Variants in PRMT8 observed in about 807,000 individuals in gnomAD.
PRMT8 encodes the protein protein arginine N-methyltransferase 8.
In PRMT8, 7 loss-of-function variants were observed where a neutral mutation model predicts 47.1. That is an observed-to-expected ratio of 0.15 (90% CI 0.08 to 0.28). The LOEUF (loss-of-function observed/expected upper bound fraction) is 0.28, where lower values mean the gene tolerates loss of function less well. PRMT8 is among the 10% of genes least tolerant of loss of function. The pLI is 1.00. For synonymous variants in PRMT8, 188 were observed against 186.5 expected (o/e 1.01, Z -0.07); for missense variants, 237 against 505.4 (o/e 0.47, Z 5.09).
rs1250058508 is a variant in PRMT8 at position 3,456,675 on chromosome 12, C to A, written c.48+75233C>A. ...GAAGCTGACCTTAAGCGGGAGGGTG[C>A]AGGGGTGAGCTAGTTTGGCCTGGAG... On this transcript the variant is annotated intron_variant, in intron 1 of 9. Transcript: ENST00000452611. The surrounding 1 kb of genome is among the most constrained non-coding windows in gnomAD (Gnocchi z 4.2). Among the ~76,000 whole-genome samples the A allele has an allele frequency of 6.6e-6, 1 of 152,084 alleles. No individual in the cohort carries two copies. The highest frequency in any genetic ancestry group is 6.5e-5 in the Admixed American group (1 of 15,268).
intron 1 of PRMT8, among the ~76,000 whole-genome samples, chr12:3,459,937 G>A (rs779003238): frequency 7.2e-5 from 11 of 152,110 alleles, no homozygotes; most frequent in Non-Finnish European, 1.5e-4. Flanking sequence ...CGTGCCCTCC[G>A]ACCCTCCTAT....
At chr12:3,547,358 T>TAAAA (rs34749795) in intron 2 of PRMT8, among the ~76,000 whole-genome samples, 1 of 145,992 alleles carries the variant, frequency 6.8e-6, no homozygotes. Context: ...TAAAGAAATC[T>TAAAA]AAAAAAAAAA....
At chr12:3,523,949 G>T (rs527628654) in intron 1 of PRMT8, among the ~76,000 whole-genome samples, 1 of 152,338 alleles carries the variant, frequency 6.6e-6, no homozygotes, top group Non-Finnish European at 1.5e-5. Flanking sequence ...CGTTACTGAT[G>T]AGTCAAACAA....
At chr12:3,533,294 C>A (rs1019147941) in intron 1 of PRMT8, among the ~76,000 whole-genome samples, 3 of 152,110 alleles carry the variant, frequency 2.0e-5, no homozygotes, top group East Asian at 3.9e-4. Flanking sequence ...CTGGGGAGCC[C>A]GGGAGGCCAC....
intron 1 of PRMT8, among the ~76,000 whole-genome samples, chr12:3,415,444 G>A (rs546504382): frequency 5.9e-5 from 9 of 152,222 alleles, no homozygotes; most frequent in Admixed American, 3.9e-4. Flanking sequence ...CTGAAAGTCC[G>A]AACCCTCTAA....
rs541726273 is a variant in PRMT8, at chr12:3,508,744, C to CT, written c.75+17045dup. Among the ~76,000 whole-genome samples the CT allele has an allele frequency of 7.2e-5, 11 of 152,300 alleles. No homozygotes were observed. In the South Asian group the frequency reaches 2.3e-3, roughly 32 times the overall value. On this transcript the variant is annotated intron_variant, in intron 1 of 9. Transcript: ENST00000382622. This position sits in a 1 kb window ranked among gnomAD's most constrained non-coding sequence, Gnocchi z 4.9. ...TCAGACTGCAGCCCACATCTCTCCT[C>CT]TGAGATACGCGAGGCATAGCTGCCT... is the stretch of plus-strand genomic sequence containing the variant.
chr12:3,387,680 A>G (rs1403196982), intron 1 of PRMT8, among the ~76,000 whole-genome samples: 2 of 152,230 alleles, frequency 1.3e-5, no homozygotes, highest in Non-Finnish European at 2.9e-5. Context: ...CTTTCTCCCC[A>G]ATCTTTATTT....
At chr12:3,539,481 G>A (rs1866180906) in intron 1 of PRMT8, among the ~76,000 whole-genome samples, 1 of 152,088 alleles carries the variant, frequency 6.6e-6, no homozygotes, top group Non-Finnish European at 1.5e-5. Context: ...CAGCCCTAGA[G>A]GACTGACTAC....
intron 1 of PRMT8, among the ~76,000 whole-genome samples, chr12:3,516,969 A>G (rs1193412354): frequency 6.6e-6 from 1 of 152,186 alleles, no homozygotes; most frequent in African/African-American, 2.4e-5. Flanking sequence ...TAGGATTGCA[A>G]TGCATTGTGG....
At chr12:3,447,962 C>T (rs561472528) in intron 1 of PRMT8, among the ~76,000 whole-genome samples, 14 of 152,312 alleles carry the variant, frequency 9.2e-5, no homozygotes, top group African/African-American at 3.4e-4. Flanking sequence ...CGATTGTCTA[C>T]ATCTAGAGTT....
intron 1 of PRMT8, among the ~76,000 whole-genome samples, chr12:3,533,493 A>G (rs1476283973): frequency 1.3e-5 from 2 of 152,230 alleles, no homozygotes; most frequent in Non-Finnish European, 2.9e-5. Context: ...AGTGTATTTT[A>G]TGGGTGGCCC....
chr12:3,416,041 T>C (rs1219821808), intron 1 of PRMT8, among the ~76,000 whole-genome samples: 1 of 152,142 alleles, frequency 6.6e-6, no homozygotes, highest in African/African-American at 2.4e-5. Flanking sequence ...GGTCCTCCAT[T>C]TGGCTGGTGA....
chr12:3,435,526 C>CTT (rs1260938565), intron 1 of PRMT8, among the ~76,000 whole-genome samples: 7 of 131,616 alleles, frequency 5.3e-5, no homozygotes, highest in African/African-American at 5.6e-5. Context: ...CTTTTTTTTT[C>CTT]TTTTTTTTTT....
In PRMT8 at chr12:3,480,652, C is replaced by G. The variant is rs1285908902; in HGVS notation, c.49-59954C>G. Among the ~76,000 whole-genome samples, 3 of 7,536 alleles carry G rather than the reference C, an allele frequency of 4.0e-4. No individual in the cohort carries two copies. The East Asian group carries it at 9.6e-3, about 24-fold the overall frequency. 4.9% of individuals were successfully genotyped at this position (7,536 alleles called of 152,430 possible). A position where few individuals can be genotyped will look rare whatever the true frequency, so the allele number is the denominator to read the frequency against. On this transcript the variant is annotated intron_variant, in intron 1 of 9. Coordinates refer to the PRMT8 transcript ENST00000452611. ...TCCTGACTTTAGTTCAGTGCTTCCT[C>G]CCCCCACCGCTTTCTTATAGCTTCA...
chr12:3,545,971 A>G (rs1410866975), intron 2 of PRMT8, among the ~76,000 whole-genome samples: 3 of 152,250 alleles, frequency 2.0e-5, no homozygotes, highest in Admixed American at 2.0e-4. Flanking sequence ...GGGTCACAAA[A>G]CAAAGATTAA....
intron 1 of PRMT8, among the ~76,000 whole-genome samples, chr12:3,473,045 C>A (rs943377107): frequency 6.6e-6 from 1 of 152,274 alleles, no homozygotes; most frequent in East Asian, 1.9e-4. Context: ...ATGCCCCAGG[C>A]GCTTTCAATG....
At chr12:3,521,262 G>A (rs1865875826) in intron 1 of PRMT8, among the ~76,000 whole-genome samples, 1 of 152,176 alleles carries the variant, frequency 6.6e-6, no homozygotes, top group Admixed American at 6.5e-5. Context: ...CCCAGGCCAT[G>A]TGTGATCCAA....
intron 4 of PRMT8, among the ~76,000 whole-genome samples, chr12:3,561,007 GCCA>G (rs1467847035): frequency 6.6e-6 from 1 of 152,098 alleles, no homozygotes; most frequent in Non-Finnish European, 1.5e-5. Context: ...ATGATTCTTG[GCCA>G]CACACTCCCA....
intron 1 of PRMT8, among the ~76,000 whole-genome samples, chr12:3,483,610 T>C (rs1013747262): frequency 6.6e-5 from 10 of 152,202 alleles, no homozygotes; most frequent in African/African-American, 2.4e-4. Context: ...TCTGGCTGGC[T>C]TCTCCAGCAA....
Sources: gnomAD v4.1 joint callset for allele counts (sites outside exome capture counted in the v4.1 genomes callset) on GRCh38, gnomAD v4.1.1 for gene constraint, Gnocchi (gnomAD v3.1) non-coding constraint, MANE v1.5 for transcripts, NCBI Gene and HGNC (gene_info 2026-07-23, HGNC 2026-07-21) for gene names.